RIMS1: variants seen among roughly 807,000 people sequenced by gnomAD.
The protein encoded by RIMS1 is regulating synaptic membrane exocytosis 1.
A neutral mutation model predicts 214.1 loss-of-function variants in RIMS1; 83 were observed. That is an observed-to-expected ratio of 0.39 (90% CI 0.32 to 0.47). The LOEUF (loss-of-function observed/expected upper bound fraction) is 0.47, where lower values mean the gene tolerates loss of function less well. Among genes scored for constraint, RIMS1 ranks in the 20% least tolerant of loss-of-function variants. The pLI is 0.99. For synonymous variants in RIMS1, 793 were observed against 786.8 expected, an observed-to-expected ratio of 1.01 and a Z score of -0.13; for missense variants, 2,050 against 2,161.8, an observed-to-expected ratio of 0.95 and a Z score of 1.03.
intron 22 of RIMS1, chr6:72,266,442 G>A (rs766828264): frequency 3.1e-5 from 7 of 226,460 alleles, no homozygotes; most frequent in Non-Finnish European, 6.2e-5. Flanking sequence ...CTGATAAATA[G>A]TATTTATAGG....
Position 72,144,016 on chromosome 6 carries a change from G to A in RIMS1, c.472-35559G>A, listed in dbSNP as rs187404634. 9.1e-4 allele frequency among the ~76,000 whole-genome samples: 139 copies of A among 152,284 alleles called. 1 individual carries two copies. The highest frequency in any genetic ancestry group is 2.9e-3 in the African/African-American group (122 of 41,564). On this transcript the variant is annotated intron_variant, in intron 4 of 33. Coordinates refer to ENST00000521978, the MANE Select transcript of RIMS1 (RefSeq NM_014989.7). ...CATGTCCTGGACCACAGTATTTTGGGTGGATAAAATTATTGCATGAAATTC... is the reference window on the plus strand; with the variant it reads ...CATGTCCTGGACCACAGTATTTTGGATGGATAAAATTATTGCATGAAATTC...
chr6:72,104,604 A>T (rs1451341143), intron 4 of RIMS1, among the ~76,000 whole-genome samples: 3 of 152,178 alleles, frequency 2.0e-5, no homozygotes, highest in East Asian at 1.9e-4. Flanking sequence ...GAGAGAGCCC[A>T]TTCACTTGGC....
rs2044175734 is a variant in RIMS1 at position 72,154,446 on chromosome 6, G to A, written c.472-25129G>A. On this transcript the variant is annotated intron_variant, in intron 4 of 33. Transcript: ENST00000521978. ...AGAGATGAAAACAATGATCAAAATA[G>A]CAAAAAATCTAAAGACTAATGTAAA... 2.1e-5 allele frequency among the ~76,000 whole-genome samples: 3 copies of A among 140,474 alleles called. 1 individual carries two copies. Among genetic ancestry groups the A allele is most frequent in the South Asian group, 2.3e-4 (1 of 4,260 alleles). 92.2% of individuals were successfully genotyped at this position (140,474 alleles called of 152,430 possible). A position where few individuals can be genotyped will look rare whatever the true frequency, so the allele number is the denominator to read the frequency against.
intron 11 of RIMS1, among the ~76,000 whole-genome samples, chr6:72,247,421 G>C (rs1197812116): frequency 6.6e-6 from 1 of 151,576 alleles, no homozygotes; most frequent in African/African-American, 2.4e-5. Context: ...TGTAATCCCA[G>C]CTACTCAGGA....
intron 2 of RIMS1, among the ~76,000 whole-genome samples, chr6:72,057,717 C>T (rs1163516011): frequency 6.6e-6 from 1 of 152,034 alleles, no homozygotes; most frequent in Non-Finnish European, 1.5e-5. Flanking sequence ...CCGTGTTAAC[C>T]AGGATGGTCC....
chr6:72,194,713 A>G (rs1410391552), intron 6 of RIMS1, among the ~76,000 whole-genome samples: 3 of 152,140 alleles, frequency 2.0e-5, no homozygotes, highest in Non-Finnish European at 2.9e-5. Flanking sequence ...TTTATAGTCA[A>G]TATAATCTTT....
At chr6:72,251,452 T>A (rs931033136) in intron 15 of RIMS1, 84 bp downstream of exon 15, 62 of 1,152,092 alleles carry the variant, frequency 5.4e-5, no homozygotes, top group Non-Finnish European at 6.5e-5. Flanking sequence ...ATGTTTTTTT[T>A]AAATGTTTTA....
intron 29 of RIMS1, among the ~76,000 whole-genome samples, chr6:72,348,239 C>T (rs1349338725): frequency 6.6e-6 from 1 of 151,774 alleles, no homozygotes; most frequent in African/African-American, 2.4e-5. Flanking sequence ...TTCGCAGGCC[C>T]GCTTATACAC....
intron 23 of RIMS1, among the ~76,000 whole-genome samples, 184 bp from the exon 24 acceptor site, chr6:72,283,863 T>C (rs1265481928): frequency 6.6e-6 from 1 of 152,188 alleles, no homozygotes. Flanking sequence ...TGGCACCAAT[T>C]CTGGTTTTCA....
intron 4 of RIMS1, among the ~76,000 whole-genome samples, chr6:72,110,554 T>C (rs1180239206): frequency 1.3e-5 from 2 of 149,524 alleles, no homozygotes; most frequent in Admixed American, 1.3e-4. Flanking sequence ...ATTGATTTTG[T>C]ATCCTGAGAC....
Position 72,265,063 on chromosome 6 carries a change from T to G in RIMS1, c.3194+11T>G, listed in dbSNP as rs1164013764. 2.0e-6 allele frequency: 3 copies of G among 1,498,234 alleles called. No homozygotes were observed. The highest frequency in any genetic ancestry group is 2.8e-6 in the Non-Finnish European group (3 of 1,086,142). The allele number at this position is 1,498,234 out of a possible 1,614,324, so 92.8% of individuals were successfully genotyped here. A position where few individuals can be genotyped will look rare whatever the true frequency, so the allele number is the denominator to read the frequency against. ...CTGGAATATTTACAGGTAAGAGCCC[T>G]AACAGTGAGTCCCACCCAGTTATAA... On this transcript the variant is annotated intron_variant, in intron 20 of 33. Coordinates refer to ENST00000521978, the MANE Select transcript of RIMS1 (RefSeq NM_014989.7).
chr6:72,080,310 T>G (rs1055168624), intron 2 of RIMS1, among the ~76,000 whole-genome samples: 2 of 151,664 alleles, frequency 1.3e-5, no homozygotes. Context: ...GTCATGAACA[T>G]AAAATGTGCC....
intron 1 of RIMS1, among the ~76,000 whole-genome samples, chr6:71,940,010 A>G (rs1785563259): frequency 6.6e-6 from 1 of 152,198 alleles, no homozygotes; most frequent in Non-Finnish European, 1.5e-5. Context: ...CCTTATCTGA[A>G]TGATGATAAT....
At chr6:72,393,884 T>C (rs2098740807) in intron 31 of RIMS1, among the ~76,000 whole-genome samples, 1 of 152,128 alleles carries the variant, frequency 6.6e-6, no homozygotes, top group Admixed American at 6.5e-5. Context: ...AACTATCAAG[T>C]AATTTTGAGG....
chr6:72,176,512 G>C (rs892728746), intron 4 of RIMS1, among the ~76,000 whole-genome samples: 3 of 151,912 alleles, frequency 2.0e-5, no homozygotes, highest in Non-Finnish European at 4.4e-5. Flanking sequence ...AAAATTTGTG[G>C]TATGATTAAT....
chr6:72,029,286 C>G (rs1288924708), intron 2 of RIMS1, among the ~76,000 whole-genome samples: 1 of 152,134 alleles, frequency 6.6e-6, no homozygotes, highest in Non-Finnish European at 1.5e-5. Context: ...AGATAAGTAG[C>G]TCTCCATATA....
At chr6:72,262,406 C>G (rs534240015) in intron 19 of RIMS1, 95 of 981,748 alleles carry the variant, frequency 9.7e-5, no homozygotes, top group Non-Finnish European at 1.1e-4. Context: ...GAGTATTCAG[C>G]GAGGCAGATA....
At chr6:72,359,931 C>T (rs1250054365) in intron 29 of RIMS1, among the ~76,000 whole-genome samples, 1 of 152,146 alleles carries the variant, frequency 6.6e-6, no homozygotes, top group Non-Finnish European at 1.5e-5. Flanking sequence ...CTGACAGCAT[C>T]GTGTACTCTT....
chr6:71,995,840 GC>G (rs1356318665), intron 2 of RIMS1, among the ~76,000 whole-genome samples: 2 of 152,044 alleles, frequency 1.3e-5, no homozygotes, highest in African/African-American at 4.8e-5. Flanking sequence ...AGGCTGGAGT[GC>G]AGTGGCGTGA....
Sources: gnomAD v4.1 joint callset for allele counts (sites outside exome capture counted in the v4.1 genomes callset) on GRCh38, gnomAD v4.1.1 for gene constraint, MANE v1.5 for transcripts, NCBI Gene and HGNC (gene_info 2026-07-23, HGNC 2026-07-21) for gene names.